DNAH3: variants seen among roughly 807,000 people sequenced by gnomAD.
DNAH3 encodes dynein axonemal heavy chain 3.
In DNAH3, 332 loss-of-function variants were observed where a neutral mutation model predicts 432.5. That is an observed-to-expected ratio of 0.77 (90% CI 0.70 to 0.84). DNAH3 has a LOEUF of 0.84. Among genes scored for constraint, DNAH3 ranks in the 40% least tolerant of loss-of-function variants. DNAH3 has a pLI of 0.00. For missense variants in DNAH3, 4,861 were observed against 5,114.0 expected, an observed-to-expected ratio of 0.95 and a Z score of 1.51; for synonymous variants, 1,956 against 1,900.2, an observed-to-expected ratio of 1.03 and a Z score of -0.76.
At chr16:20,988,679 T>G (rs982601239) in intron 44 of DNAH3, among the ~76,000 whole-genome samples, 1 of 152,252 alleles carries the variant, frequency 6.6e-6, no homozygotes, top group Admixed American at 6.5e-5. Flanking sequence ...AATACTTTTG[T>G]TGAAAGTGAA....
intron 52 of DNAH3, among the ~76,000 whole-genome samples, chr16:20,967,491 GCTT>G (rs2085114659): frequency 1.0e-5 from 1 of 99,392 alleles, no homozygotes; most frequent in South Asian, 3.4e-4. Context: ...ACAGACTTCT[GCTT>G]TTTTTTTTTT....
At chr16:21,054,856 A>C (rs1030181969) in intron 27 of DNAH3, among the ~76,000 whole-genome samples, 3 of 152,194 alleles carry the variant, frequency 2.0e-5, no homozygotes, top group Non-Finnish European at 4.4e-5. Flanking sequence ...AACTGACTAC[A>C]AAGGGCCTGA....
exon 55 of DNAH3, chr16:20,954,929 A>G: frequency 6.2e-7 from 1 of 1,614,188 alleles, no homozygotes; most frequent in Non-Finnish European, 8.5e-7. Context: ...AGGATCTGAG[A>G]TGGGGTCATT....
At chr16:21,010,463 G>T (rs761670450) in intron 41 of DNAH3, among the ~76,000 whole-genome samples, 1 of 152,086 alleles carries the variant, frequency 6.6e-6, no homozygotes, top group Non-Finnish European at 1.5e-5. Flanking sequence ...AAGCACTTTC[G>T]GGACAAATGG....
In DNAH3 at chr16:21,092,424, C is replaced by A. The variant is rs545222963; in HGVS notation, c.2665+4931G>T. On this transcript the variant is annotated intron_variant, in intron 18 of 61. Transcript: ENST00000261383. ...AAAATTGGACATCTATATACACACA[C>A]AAAAAAAGAATCTAGACACGGATCT... 9.2e-5 allele frequency among the ~76,000 whole-genome samples: 14 copies of A among 151,708 alleles called. No individual in the cohort carries two copies. The South Asian group carries it at 1.2e-3, about 14-fold the overall frequency.
intron 15 of DNAH3, among the ~76,000 whole-genome samples, chr16:21,105,058 C>G (rs989953395): frequency 6.6e-6 from 1 of 152,202 alleles, no homozygotes; most frequent in South Asian, 2.1e-4. Flanking sequence ...ATGCCCTACC[C>G]ATTTTATGAC....
At chr16:21,152,849 G>A (rs962195366) in intron 1 of DNAH3, among the ~76,000 whole-genome samples, 4 of 152,268 alleles carry the variant, frequency 2.6e-5, no homozygotes, top group Non-Finnish European at 4.4e-5. Flanking sequence ...CAGGGCTCGG[G>A]ACTTGCAGCC....
intron 5 of DNAH3, among the ~76,000 whole-genome samples, chr16:21,137,173 G>A (rs762126881): frequency 2.0e-5 from 3 of 151,114 alleles, no homozygotes; most frequent in Non-Finnish European, 2.9e-5. Flanking sequence ...CTGATCCAGA[G>A]CTAGAATTTA....
In DNAH3 at chr16:21,103,390, G is replaced by T. The variant is rs183417548; in HGVS notation, c.2366+1081C>A. Among the ~76,000 whole-genome samples, 22 of 151,526 alleles carry T rather than the reference G, an allele frequency of 1.5e-4. No homozygotes were observed. The East Asian group carries it at 3.9e-3, about 27-fold the overall frequency. ...AGGGTGGGGGAGTTGGGAGGTATAT[G>T]GGAATTCTTTGTACTTTCTGCTCAA... On this transcript the variant is annotated intron_variant, in intron 16 of 61. Transcript: ENST00000261383.
rs752196229 is a variant in DNAH3 at position 21,003,168 on chromosome 16, C to A, written c.6062G>T (p.Gly2021Val). The stretch of plus-strand genomic sequence containing the variant: ...ATACTGTGTCCACGTTTCCCAATGT[C>A]CACTAGCTTGTTTGATAAAATAAAA... Residue 2021 changes from glycine (G) to valine (V), a missense_variant, in exon 42 of 62, where the codon GGA becomes GTA. Transcript: ENST00000261383. 18 of 1,611,624 alleles carry A rather than the reference C, an allele frequency of 1.1e-5. No homozygotes were observed. Among genetic ancestry groups the A allele is most frequent in the Middle Eastern group, 3.3e-4 (2 of 6,082 alleles).
At chr16:21,078,509 A>G (rs1291595105) in intron 20 of DNAH3, among the ~76,000 whole-genome samples, 1 of 152,184 alleles carries the variant, frequency 6.6e-6, no homozygotes, top group East Asian at 1.9e-4. Flanking sequence ...AATAATTAAT[A>G]AAGGCAGGTG....
intron 12 of DNAH3, among the ~76,000 whole-genome samples, chr16:21,115,756 TA>T (rs1480058948): frequency 6.7e-6 from 1 of 149,360 alleles, no homozygotes; most frequent in African/African-American, 2.4e-5. Context: ...AAAAATAAAA[TA>T]AAATAAATAA....
At position 21,027,011 on chromosome 16, in the gene DNAH3, G is replaced by A. The variant is rs2088601137; in HGVS notation, c.5540+16C>T. On this transcript the variant is annotated intron_variant, in intron 38 of 61. Coordinates refer to ENST00000261383, the Ensembl canonical transcript of DNAH3. The stretch of plus-strand genomic sequence containing the variant: ...AGCCACACTGTCCCCCGGGGTGCCA[G>A]TGAGGGCTGCCTCACCTGCTCACAG... 1.2e-6 allele frequency: 2 copies of A among 1,605,672 alleles called. No individual in the cohort carries two copies. The highest frequency in any genetic ancestry group is 1.7e-6 in the Non-Finnish European group (2 of 1,172,714).
exon 39 of DNAH3, chr16:21,024,624 G>C (rs772007825): frequency 7.4e-6 from 12 of 1,612,446 alleles, no homozygotes; most frequent in Non-Finnish European, 4.2e-6. Context: ...GGTGAGACTG[G>C]AGGGCAGGGT....
intron 37 of DNAH3, among the ~76,000 whole-genome samples, chr16:21,030,673 T>C (rs2088825438): frequency 6.6e-6 from 1 of 152,174 alleles, no homozygotes; most frequent in African/African-American, 2.4e-5. Context: ...ATGTGCAATC[T>C]CATTTAAGTA....
intron 44 of DNAH3, among the ~76,000 whole-genome samples, chr16:20,992,138 GT>G (rs1567601967): frequency 6.6e-6 from 1 of 152,036 alleles, no homozygotes; most frequent in African/African-American, 2.4e-5. Flanking sequence ...TATTATTATT[GT>G]TATAGACTCA....
At chr16:21,019,514 G>T in intron 41 of DNAH3, 110 bp downstream of exon 41, 1 of 1,219,996 alleles carries the variant, frequency 8.2e-7, no homozygotes, top group Non-Finnish European at 1.2e-6. Flanking sequence ...CACCGTGCCT[G>T]GCCTTCTGTG....
At chr16:20,998,419 A>G (rs2086859182) in intron 43 of DNAH3, among the ~76,000 whole-genome samples, 1 of 151,818 alleles carries the variant, frequency 6.6e-6, no homozygotes, top group Non-Finnish European at 1.5e-5. Context: ...CGCCCAGCTA[A>G]TTTTTGTATT....
chr16:20,983,121 A>T (rs546517789), intron 48 of DNAH3, among the ~76,000 whole-genome samples: 10 of 152,122 alleles, frequency 6.6e-5, no homozygotes, highest in South Asian at 2.1e-4. Context: ...TTTAAAAAAA[A>T]TTTTAATTTT....
Sources: gnomAD v4.1 joint callset for allele counts (sites outside exome capture counted in the v4.1 genomes callset) on GRCh38, gnomAD v4.1.1 for gene constraint, MANE v1.5 for transcripts, NCBI Gene and HGNC (gene_info 2026-07-23, HGNC 2026-07-21) for gene names.